The following CHRNB3 variants were observed in gnomAD, a reference collection of about 807,000 sequenced individuals.
CHRNB3 encodes neuronal acetylcholine receptor subunit beta-3.
Under a neutral mutation model 40.6 loss-of-function variants are expected in CHRNB3, and 37 were observed. The observed-to-expected ratio is 0.91, with a 90% CI of 0.70 to 1.20. The LOEUF is 1.20. Among genes scored for constraint, CHRNB3 ranks in the 50% most tolerant of loss-of-function variants. The pLI, the probability that CHRNB3 is intolerant of heterozygous loss-of-function variation, is 0.00. For synonymous variants in CHRNB3, 207 were observed against 207.1 expected (o/e 1.00, Z 0.00); for missense variants, 505 against 551.2 (o/e 0.92, Z 0.84).
chr8:42,730,157 T>C (rs62515865), intron 3 of CHRNB3, among the ~76,000 whole-genome samples: 8,742 of 152,252 alleles, frequency 0.057, 326 homozygotes, highest in Middle Eastern at 0.11. Flanking sequence ...GATGTTCATC[T>C]AAGCCTCTTG....
intron 3 of CHRNB3, among the ~76,000 whole-genome samples, chr8:42,717,408 C>G (rs4736840): frequency 2.7e-5 from 2 of 73,740 alleles, no homozygotes; most frequent in African/African-American, 4.7e-5. Context: ...AAAAAAAAGC[C>G]GACCTGTTGT....
intron 5 of CHRNB3, among the ~76,000 whole-genome samples, chr8:42,733,864 G>C (rs1816470991): frequency 6.6e-6 from 1 of 150,972 alleles, no homozygotes; most frequent in African/African-American, 2.4e-5. Context: ...CAAAGTGCTG[G>C]GATTACAGGC....
chr8:42,698,891 C>A (rs976538494), intron 1 of CHRNB3, among the ~76,000 whole-genome samples: 2 of 152,168 alleles, frequency 1.3e-5, no homozygotes, highest in Non-Finnish European at 2.9e-5. Flanking sequence ...AGCTAAGTCT[C>A]GTCCTCTGTG....
intron 2 of CHRNB3, 68 bp downstream of exon 2, chr8:42,708,936 T>C (rs918682357): frequency 2.8e-6 from 4 of 1,408,380 alleles, no homozygotes; most frequent in African/African-American, 1.5e-5. Context: ...GTCTAAAATA[T>C]ATATTTTTCC....
intron 3 of CHRNB3, among the ~76,000 whole-genome samples, chr8:42,727,631 G>A (rs980649111): frequency 3.9e-5 from 6 of 152,018 alleles, no homozygotes; most frequent in Admixed American, 2.6e-4. Flanking sequence ...GACTTAAGTC[G>A]AGGCTGGTGG....
chr8:42,703,440 T>TAAAAAAAAAA (rs1554589400), intron 1 of CHRNB3, among the ~76,000 whole-genome samples: 1 of 80,694 alleles, frequency 1.2e-5, no homozygotes, highest in Non-Finnish European at 2.9e-5. Context: ...AAAAAAATAT[T>TAAAAAAAAAA]TATATATATA....
At chr8:42,716,831 G>A (rs1816117716) in intron 3 of CHRNB3, among the ~76,000 whole-genome samples, 1 of 152,058 alleles carries the variant, frequency 6.6e-6, no homozygotes, top group Non-Finnish European at 1.5e-5. Context: ...TGAGCTGGGC[G>A]CTGTTGCATA....
At chr8:42,720,046 C>T (rs1816190138) in intron 3 of CHRNB3, among the ~76,000 whole-genome samples, 2 of 150,488 alleles carry the variant, frequency 1.3e-5, no homozygotes, top group Non-Finnish European at 3.0e-5. Flanking sequence ...AGCACCTTTC[C>T]ACAGGCAGTT....
intron 1 of CHRNB3, among the ~76,000 whole-genome samples, chr8:42,702,885 A>G (rs927505297): frequency 4.6e-5 from 7 of 152,354 alleles, no homozygotes; most frequent in Admixed American, 3.9e-4. Context: ...AAATATATGT[A>G]TATCGAATTG....
At chr8:42,715,048 C>T (rs1390850607) in intron 3 of CHRNB3, 2 of 152,098 alleles carry the variant, frequency 1.3e-5, no homozygotes, top group African/African-American at 2.4e-5. Flanking sequence ...TCTTCCATCC[C>T]TTCACCAGGA....
At chr8:42,707,883 G>A (rs945522400) in intron 1 of CHRNB3, among the ~76,000 whole-genome samples, 2 of 152,208 alleles carry the variant, frequency 1.3e-5, no homozygotes, top group Admixed American at 6.5e-5. Context: ...TATGGGCCAG[G>A]CACTGTTCTA....
chr8:42,697,594 C>CAAG lies in CHRNB3; in HGVS notation c.48_49insAAG (p.Ser16_Ser17insLys). ...TTCTCATCGTCCTTGGCATCCCTTC[C>CAAG]TCAGGTAAGCACAAGTCACAGTAAA... On this transcript the variant is annotated inframe_insertion, in exon 1 of 6. Coordinates refer to ENST00000289957, the MANE Select transcript of CHRNB3 (RefSeq NM_000749.5). 1 of 1,612,794 alleles carries CAAG rather than the reference C, an allele frequency of 6.2e-7. No homozygotes were observed. Among genetic ancestry groups the CAAG allele is most frequent in the Non-Finnish European group, 8.5e-7 (1 of 1,178,834 alleles).
At chr8:42,709,526 C>A (rs1815977325) in intron 2 of CHRNB3, among the ~76,000 whole-genome samples, 1 of 152,160 alleles carries the variant, frequency 6.6e-6, no homozygotes, top group Non-Finnish European at 1.5e-5. Flanking sequence ...CACATGTGCG[C>A]ACACTCACCT....
chr8:42,703,440 T>TTATATATATATATATATATATATA (rs56211568), intron 1 of CHRNB3, among the ~76,000 whole-genome samples: 1 of 80,716 alleles, frequency 1.2e-5, no homozygotes, highest in Non-Finnish European at 2.9e-5. Context: ...AAAAAAATAT[T>TTATATATATATATATATATATATA]TATATATATA....
intron 3 of CHRNB3, among the ~76,000 whole-genome samples, chr8:42,719,799 C>T (rs1027798020): frequency 1.3e-5 from 2 of 152,146 alleles, no homozygotes; most frequent in Non-Finnish European, 2.9e-5. Flanking sequence ...ATCAGTGACT[C>T]GTCCAAGTTG....
intron 3 of CHRNB3, among the ~76,000 whole-genome samples, chr8:42,716,733 C>T (rs1320328458): frequency 2.0e-5 from 3 of 152,014 alleles, no homozygotes; most frequent in Admixed American, 1.3e-4. Context: ...GCCGCCTCTG[C>T]CCGACCCTGT....
At position 42,697,488 on chromosome 8, in the gene CHRNB3, C is replaced by T; in HGVS notation, c.-59C>T. 2.0e-6 allele frequency: 3 copies of T among 1,466,874 alleles called. No individual in the cohort carries two copies. The highest frequency in any genetic ancestry group is 2.3e-5 in the South Asian group (2 of 87,372). The allele number at this position is 1,466,874 out of a possible 1,614,324, so 90.9% of individuals were successfully genotyped here. A position where few individuals can be genotyped will look rare whatever the true frequency, so the allele number is the denominator to read the frequency against. On this transcript the variant is annotated 5_prime_UTR_variant, in exon 1 of 6. Coordinates refer to ENST00000289957, the MANE Select transcript of CHRNB3 (RefSeq NM_000749.5). ...ATTTTCTTTTCAAAACCCCCTTTTC[C>T]AGTGGAAATGCTCTGTTGTTAAAAA...
At chr8:42,700,774 A>G (rs974275048) in intron 1 of CHRNB3, among the ~76,000 whole-genome samples, 2 of 152,206 alleles carry the variant, frequency 1.3e-5, no homozygotes, top group Admixed American at 1.3e-4. Flanking sequence ...ATAACAGGTT[A>G]TTGGATTTAG....
chr8:42,720,557 T>G (rs62518200), intron 3 of CHRNB3, among the ~76,000 whole-genome samples: 8,718 of 152,240 alleles, frequency 0.057, 331 homozygotes, highest in Middle Eastern at 0.11. Flanking sequence ...TTTGTTAGTT[T>G]ACTGGTTTAT....
Sources: allele counts gnomAD v4.1 joint callset (sites outside exome capture counted in the v4.1 genomes callset), GRCh38; gene constraint gnomAD v4.1.1; transcripts MANE v1.5; gene names NCBI Gene and HGNC (gene_info 2026-07-23, HGNC 2026-07-21).